MCF2L2: variants seen among roughly 807,000 people sequenced by gnomAD.
The protein encoded by MCF2L2 is probable guanine nucleotide exchange factor MCF2L2.
Under a neutral mutation model 150.2 loss-of-function variants are expected in MCF2L2, and 102 were observed. The observed-to-expected ratio is 0.68, with a 90% CI of 0.58 to 0.80. MCF2L2 has a LOEUF of 0.80. Among genes scored for constraint, MCF2L2 ranks in the 30% least tolerant of loss-of-function variants. The pLI is 0.00. For missense variants in MCF2L2, 1,256 were observed against 1,372.8 expected (o/e 0.91, Z 1.34); for synonymous variants, 465 against 491.3 (o/e 0.95, Z 0.71).
intron 5 of MCF2L2, among the ~76,000 whole-genome samples, chr3:183,324,763 T>C (rs941237150): frequency 2.6e-5 from 4 of 151,744 alleles, no homozygotes; most frequent in African/African-American, 9.7e-5. Context: ...CTAAAGTCTA[T>C]AGGCCAAAAT....
intron 6 of MCF2L2, among the ~76,000 whole-genome samples, chr3:183,318,489 C>T (rs1346502522): frequency 6.6e-6 from 1 of 152,186 alleles, no homozygotes; most frequent in African/African-American, 2.4e-5. Context: ...TTGAGTCACA[C>T]GATCTTTAAG....
intron 1 of MCF2L2, among the ~76,000 whole-genome samples, chr3:183,403,381 G>C (rs1301944681): frequency 1.3e-5 from 2 of 152,262 alleles, no homozygotes; most frequent in Non-Finnish European, 2.9e-5. Flanking sequence ...TGTGATAAGA[G>C]AGAGTGAGAT....
At position 183,195,222 on chromosome 3, in the gene MCF2L2, C is replaced by T. The variant is rs1448792473; in HGVS notation, c.2918G>A (p.Ser973Asn). ...TTAAAATAAAAAAATCAGTACTCACCTCGTGCTCATTTCAAACTGTGGATT... is the reference window on the plus strand; with the variant it reads ...TTAAAATAAAAAAATCAGTACTCACTTCGTGCTCATTTCAAACTGTGGATT... ...QGNPQFEMSTSKGSGAGSGPW... is the reference protein window; with the variant it reads ...QGNPQFEMSTNKGSGAGSGPW... Residue 973 changes from serine (S) to asparagine (N), a missense_variant and splice_region_variant, in exon 26 of 30, where the codon AGC becomes AAC. Transcript: ENST00000328913. 6.2e-7 allele frequency: 1 copy of T among 1,604,018 alleles called. No individual in the cohort carries two copies. Among genetic ancestry groups the T allele is most frequent in the African/African-American group, 1.3e-5 (1 of 74,222 alleles).
chr3:183,289,864 A>T (rs146925920), intron 13 of MCF2L2, among the ~76,000 whole-genome samples: 2 of 152,276 alleles, frequency 1.3e-5, no homozygotes, highest in Non-Finnish European at 2.9e-5. Context: ...TCAAACAAAC[A>T]AACAGACAAA....
chr3:183,212,364 C>T (rs541700684), intron 22 of MCF2L2, among the ~76,000 whole-genome samples: 2 of 152,276 alleles, frequency 1.3e-5, no homozygotes, highest in East Asian at 1.9e-4. Flanking sequence ...CCATGTCACA[C>T]GGTGTGTGGA....
At chr3:183,332,002 T>G (rs150870096) in intron 5 of MCF2L2, among the ~76,000 whole-genome samples, 2 of 152,124 alleles carry the variant, frequency 1.3e-5, no homozygotes, top group African/African-American at 4.8e-5. Context: ...CAAAATAAAC[T>G]CCTTTCCCCC....
chr3:183,272,865 T>C (rs2108451888), intron 15 of MCF2L2: 2 of 1,275,144 alleles, frequency 1.6e-6, no homozygotes, highest in African/African-American at 1.6e-5. Context: ...AAAGTGATCT[T>C]GTTTACAGCA....
At chr3:183,339,738 C>T (rs551439577) in intron 4 of MCF2L2, among the ~76,000 whole-genome samples, 9 of 152,216 alleles carry the variant, frequency 5.9e-5, no homozygotes, top group African/African-American at 2.2e-4. Flanking sequence ...TCCAGTGGTT[C>T]CCCCAAAGCA....
intron 13 of MCF2L2, among the ~76,000 whole-genome samples, chr3:183,293,050 C>T (rs748296751): frequency 6.6e-6 from 1 of 152,144 alleles, no homozygotes; most frequent in Admixed American, 6.5e-5. Context: ...AATCTAATCA[C>T]TCCAATTACA....
intron 15 of MCF2L2, among the ~76,000 whole-genome samples, chr3:183,246,676 C>T (rs966831523): frequency 1.3e-5 from 2 of 152,158 alleles, no homozygotes; most frequent in Admixed American, 1.3e-4. Context: ...GTCTGAGTCT[C>T]TGCTTTCAAT....
At chr3:183,394,361 A>T (rs1241061810) in intron 1 of MCF2L2, among the ~76,000 whole-genome samples, 1 of 152,190 alleles carries the variant, frequency 6.6e-6, no homozygotes, top group Non-Finnish European at 1.5e-5. Flanking sequence ...AATGACAGAA[A>T]AGGAATGTGC....
chr3:183,339,041 C>T (rs574472755), intron 4 of MCF2L2, 122 bp from the exon 5 acceptor site: 2 of 945,504 alleles, frequency 2.1e-6, no homozygotes, highest in African/African-American at 3.3e-5. Context: ...AAACGGATGC[C>T]ATGGATGTAA....
chr3:183,296,813 C>T (rs1246454537), intron 12 of MCF2L2, 163 bp downstream of exon 12: 1 of 639,742 alleles, frequency 1.6e-6, no homozygotes, highest in East Asian at 2.8e-5. Context: ...CCAGGACGTT[C>T]AGGCCGAGAG....
chr3:183,242,003 T>C (rs1463202317), intron 15 of MCF2L2, among the ~76,000 whole-genome samples: 1 of 152,222 alleles, frequency 6.6e-6, no homozygotes, highest in South Asian at 2.1e-4. Context: ...ATTTTGCCCC[T>C]GCCCTAGAGA....
intron 15 of MCF2L2, among the ~76,000 whole-genome samples, chr3:183,244,577 G>A (rs1047054131): frequency 1.1e-4 from 16 of 152,114 alleles, no homozygotes; most frequent in East Asian, 3.9e-4. Context: ...TAAGCCAATC[G>A]TCTAGTAGGT....
At chr3:183,303,390 G>T (rs1357787097) in intron 10 of MCF2L2, among the ~76,000 whole-genome samples, 16 of 152,182 alleles carry the variant, frequency 1.1e-4, no homozygotes. Flanking sequence ...ATTCCAAAAG[G>T]TCTCCAGGAG....
chr3:183,193,357 C>CTTTTTTTTT (rs765523814), intron 26 of MCF2L2, among the ~76,000 whole-genome samples: 48 of 139,498 alleles, frequency 3.4e-4, no homozygotes, highest in African/African-American at 1.2e-3. Context: ...CTTTTTCTTT[C>CTTTTTTTTT]TTTTTTTTTT....
chr3:183,351,217 TATATATATATATA>T lies in MCF2L2; in HGVS notation c.276-9600_276-9588del, dbSNP rs1560034929. On this transcript the variant is annotated intron_variant, in intron 3 of 29. Transcript: ENST00000328913. ...ATATATATATATATATATATATATA[TATATATATATATA>T]TATATATTTATTTATTTATTTATCA... 7.3e-3 allele frequency among the ~76,000 whole-genome samples: 672 copies of T among 91,932 alleles called. 17 individuals are homozygous for T. Among genetic ancestry groups the T allele is most frequent in the South Asian group, 0.062 (175 of 2,824 alleles). The allele number at this position is 91,932 out of a possible 152,430, so 60.3% of individuals were successfully genotyped here.
chr3:183,400,544 A>G, intron 1 of MCF2L2: 2 of 449,582 alleles, frequency 4.4e-6, no homozygotes, highest in Non-Finnish European at 8.9e-6. Flanking sequence ...CTCTCTAGGC[A>G]CTGCACTCAC....
Sources: gnomAD v4.1 joint callset for allele counts (sites outside exome capture counted in the v4.1 genomes callset) on GRCh38, gnomAD v4.1.1 for gene constraint, MANE v1.5 for transcripts, NCBI Gene and HGNC (gene_info 2026-07-23, HGNC 2026-07-21) for gene names.